The following PPM1H variants were observed in gnomAD, a reference collection of about 807,000 sequenced individuals.
PPM1H encodes protein phosphatase, Mg2+/Mn2+ dependent 1H, also known as protein phosphatase 1H.
A neutral mutation model predicts 54.9 loss-of-function variants in PPM1H; 27 were observed. The observed-to-expected ratio is 0.49, with a 90% confidence interval of 0.36 to 0.68. The LOEUF (loss-of-function observed/expected upper bound fraction) is 0.68. PPM1H is among the 30% of genes least tolerant of loss of function. The pLI is 0.00. For synonymous variants in PPM1H, 305 were observed against 270.8 expected, an observed-to-expected ratio of 1.13 and a Z score of -1.24; for missense variants, 596 against 667.8, an observed-to-expected ratio of 0.89 and a Z score of 1.19.
At chr12:62,790,114 G>GCTGCTT in intron 3 of PPM1H, among the ~76,000 whole-genome samples, 1 of 152,316 alleles carries the variant, frequency 6.6e-6, no homozygotes, top group Admixed American at 6.5e-5. Context: ...TTAGAGCTCA[G>GCTGCTT]CTGCTTCAAC....
chr12:62,697,575 A>G (rs925592083), intron 6 of PPM1H, among the ~76,000 whole-genome samples: 1 of 152,006 alleles, frequency 6.6e-6, no homozygotes, highest in Non-Finnish European at 1.5e-5. Flanking sequence ...AGTCCATGTC[A>G]AGGCTATAGG....
intron 1 of PPM1H, among the ~76,000 whole-genome samples, chr12:62,920,334 T>C (rs977802687): frequency 1.3e-5 from 2 of 152,220 alleles, no homozygotes; most frequent in African/African-American, 4.8e-5. Flanking sequence ...AAATTGCTTT[T>C]TTTTGTTGTT....
chr12:62,832,753 G>A (rs879627320), intron 1 of PPM1H, among the ~76,000 whole-genome samples: 2 of 152,164 alleles, frequency 1.3e-5, no homozygotes, highest in Non-Finnish European at 2.9e-5. Context: ...CAAGAGAACA[G>A]AGAACCATAT....
At chr12:62,735,499 T>G (rs2076345230) in intron 5 of PPM1H, among the ~76,000 whole-genome samples, 1 of 152,212 alleles carries the variant, frequency 6.6e-6, no homozygotes, top group Non-Finnish European at 1.5e-5. Flanking sequence ...ATTACAGGCA[T>G]GAGCCACCGT....
At chr12:62,911,895 C>T (rs1053329334) in intron 1 of PPM1H, among the ~76,000 whole-genome samples, 1 of 152,160 alleles carries the variant, frequency 6.6e-6, no homozygotes, top group Non-Finnish European at 1.5e-5. Context: ...CCAATGACAC[C>T]CCTTATCGCC....
chr12:62,735,150 G>A (rs2076343868), intron 5 of PPM1H, among the ~76,000 whole-genome samples: 1 of 152,162 alleles, frequency 6.6e-6, no homozygotes, highest in South Asian at 2.1e-4. Flanking sequence ...GAGGGCAGAA[G>A]AGAAAGGACT....
At chr12:62,694,690 A>T (rs2076104046) in intron 6 of PPM1H, among the ~76,000 whole-genome samples, 1 of 152,190 alleles carries the variant, frequency 6.6e-6, no homozygotes, top group Admixed American at 6.5e-5. Context: ...TTAAAAAACA[A>T]ACAAGCGAAC....
intron 1 of PPM1H, among the ~76,000 whole-genome samples, chr12:62,862,527 C>T (rs1869639404): frequency 6.6e-6 from 1 of 152,100 alleles, no homozygotes; most frequent in South Asian, 2.1e-4. Flanking sequence ...GATGACATAA[C>T]CCATGCCTCT....
At position 62,648,499 on chromosome 12, in the gene PPM1H, T is replaced by G. The variant is rs772599088; in HGVS notation, c.1535A>C (p.Lys512Thr). 8.7e-6 allele frequency: 14 copies of G among 1,613,900 alleles called. No homozygotes were observed. The highest frequency in any genetic ancestry group is 1.3e-5 in the African/African-American group (1 of 74,936). ...VYVIPLIHGN[K>T]LS Reference sequence around the variant, plus strand: ...TCCCCTGGGCCATTTTCATGACAGCTTGTTTCCATGTATTAAAGGAATGAC... The same window carrying G: ...TCCCCTGGGCCATTTTCATGACAGCGTGTTTCCATGTATTAAAGGAATGAC... Residue 512 changes from lysine (K) to threonine (T), a missense_variant, in exon 10 of 10, where the codon AAG becomes ACG. Coordinates refer to ENST00000228705, the MANE Select transcript of PPM1H (RefSeq NM_020700.2).
At chr12:62,820,351 A>C (rs956612447) in intron 2 of PPM1H, among the ~76,000 whole-genome samples, 63 of 152,372 alleles carry the variant, frequency 4.1e-4, no homozygotes, top group African/African-American at 1.5e-3. Context: ...AGGCAGCAGA[A>C]ACTTCTGCAA....
At chr12:62,863,783 T>C (rs1423424614) in intron 1 of PPM1H, among the ~76,000 whole-genome samples, 1 of 152,160 alleles carries the variant, frequency 6.6e-6, no homozygotes, top group Non-Finnish European at 1.5e-5. Flanking sequence ...TATTTTCTCA[T>C]TTGACAGACA....
chr12:62,919,002 T>C (rs1256891531), intron 1 of PPM1H, among the ~76,000 whole-genome samples: 2 of 152,184 alleles, frequency 1.3e-5, no homozygotes, highest in Non-Finnish European at 2.9e-5. Context: ...CTAAAGATAA[T>C]TTGAAGTTCT....
chr12:62,758,557 G>A (rs1472737889), intron 4 of PPM1H, among the ~76,000 whole-genome samples: 1 of 152,118 alleles, frequency 6.6e-6, no homozygotes, highest in Non-Finnish European at 1.5e-5. Flanking sequence ...TATCTTGGTG[G>A]TGGGACATGT....
At chr12:62,768,432 G>C (rs2076557508) in intron 4 of PPM1H, among the ~76,000 whole-genome samples, 2 of 152,116 alleles carry the variant, frequency 1.3e-5, no homozygotes, top group East Asian at 3.9e-4. Flanking sequence ...AAGGTGGGCG[G>C]ATCATGAGGT....
chr12:62,897,177 A>C (rs1020462376), intron 1 of PPM1H, among the ~76,000 whole-genome samples: 1 of 151,992 alleles, frequency 6.6e-6, no homozygotes, highest in Non-Finnish European at 1.5e-5. Flanking sequence ...TGCAGCACAC[A>C]AACATGGCAC....
At chr12:62,920,798 G>A (rs529269822) in intron 1 of PPM1H, among the ~76,000 whole-genome samples, 39 of 151,834 alleles carry the variant, frequency 2.6e-4, no homozygotes, top group African/African-American at 6.8e-4. Flanking sequence ...TACTGACTGC[G>A]TGTAACATAA....
intron 6 of PPM1H, among the ~76,000 whole-genome samples, chr12:62,699,813 T>C (rs1254087854): frequency 1.1e-4 from 16 of 152,188 alleles, no homozygotes. Flanking sequence ...ACTCAGAATA[T>C]ATCTATGCAT....
intron 1 of PPM1H, among the ~76,000 whole-genome samples, chr12:62,840,931 C>G (rs1020948110): frequency 2.7e-5 from 4 of 150,524 alleles, no homozygotes; most frequent in African/African-American, 9.8e-5. Context: ...TACAATAGTC[C>G]TAGTGACAAA....
rs1407125734 is a variant in PPM1H at position 62,748,600 on chromosome 12, T to G, written c.870-11014A>C. ...GAAGGGCCTGCCATCATCTACCCTT[T>G]CTGGGTTGTTAGGTTCTGACAGTTA... is the stretch of plus-strand genomic sequence containing the variant. On this transcript the variant is annotated intron_variant, in intron 4 of 9. Coordinates refer to ENST00000228705, the MANE Select transcript of PPM1H (RefSeq NM_020700.2). Among the ~76,000 whole-genome samples, 3 of 152,064 alleles carry G rather than the reference T, an allele frequency of 2.0e-5. 1 individual carries two copies.
Sources: allele counts gnomAD v4.1 joint callset (sites outside exome capture counted in the v4.1 genomes callset), GRCh38; gene constraint gnomAD v4.1.1; transcripts MANE v1.5; gene names NCBI Gene and HGNC (gene_info 2026-07-23, HGNC 2026-07-21).